Variants in WASF2 observed in about 807,000 individuals in gnomAD.
WASF2 encodes actin-binding protein WASF2.
Under a neutral mutation model 45.0 loss-of-function variants are expected in WASF2, and 14 were observed. That is an observed-to-expected ratio of 0.31 (90% CI 0.21 to 0.49). WASF2 has a LOEUF of 0.49. Among genes scored for constraint, WASF2 ranks in the 20% least tolerant of loss-of-function variants. The probability of loss-of-function intolerance (pLI) is 0.99; values close to 1 mark genes in which losing one functional copy is unlikely to be tolerated. For missense variants in WASF2, 439 were observed against 636.1 expected, an observed-to-expected ratio of 0.69 and a Z score of 3.33; for synonymous variants, 200 against 236.3, an observed-to-expected ratio of 0.85 and a Z score of 1.41.
intron 4 of WASF2, among the ~76,000 whole-genome samples, chr1:27,417,994 G>C (rs1007574343): frequency 6.6e-6 from 1 of 152,096 alleles, no homozygotes; most frequent in Non-Finnish European, 1.5e-5. Context: ...AGATGGACCT[G>C]GCTTATATGA....
intron 1 of WASF2, among the ~76,000 whole-genome samples, chr1:27,486,325 C>T (rs1249875799): frequency 2.6e-5 from 4 of 151,990 alleles, no homozygotes; most frequent in African/African-American, 7.3e-5. Flanking sequence ...TACATTTGGT[C>T]CCAAGAACTT....
chr1:27,467,394 G>A (rs1163194702), intron 1 of WASF2, among the ~76,000 whole-genome samples: 3 of 148,652 alleles, frequency 2.0e-5, no homozygotes, highest in East Asian at 2.0e-4. Context: ...TCCGCCTCCC[G>A]GGTTCATGCC....
chr1:27,439,387 C>T (rs1185158422), intron 1 of WASF2, among the ~76,000 whole-genome samples: 2 of 152,136 alleles, frequency 1.3e-5, no homozygotes, highest in African/African-American at 4.8e-5. Context: ...AGCACATGCC[C>T]TGTTCTAAAT....
chr1:27,478,411 T>C (rs1401770960), intron 1 of WASF2, among the ~76,000 whole-genome samples: 4 of 152,036 alleles, frequency 2.6e-5, no homozygotes, highest in Non-Finnish European at 5.9e-5. Context: ...AAAAACTTTA[T>C]GTTGAACAGA....
intron 1 of WASF2, among the ~76,000 whole-genome samples, chr1:27,442,818 T>C (rs1322338976): frequency 2.6e-5 from 4 of 151,516 alleles, no homozygotes; most frequent in South Asian, 4.2e-4. Flanking sequence ...CTGACCAACA[T>C]GGTGAAACCC....
At chr1:27,422,455 TA>T (rs541891339) in intron 2 of WASF2, among the ~76,000 whole-genome samples, 170 of 151,606 alleles carry the variant, frequency 1.1e-3, no homozygotes, top group African/African-American at 3.9e-3. Flanking sequence ...CCATCTCTAC[TA>T]AAAATACAAA....
chr1:27,478,424 AAGTC>A (rs1456115605), intron 1 of WASF2, among the ~76,000 whole-genome samples: 2 of 152,296 alleles, frequency 1.3e-5, no homozygotes, highest in South Asian at 2.1e-4. Flanking sequence ...TGAACAGAAA[AAGTC>A]AGACACAAAA....
intron 1 of WASF2, among the ~76,000 whole-genome samples, chr1:27,463,826 G>T (rs1412884918): frequency 7.5e-5 from 11 of 145,868 alleles, no homozygotes; most frequent in African/African-American, 2.8e-4. Flanking sequence ...TTTTGAGACA[G>T]AGTTTCACTC....
intron 2 of WASF2, among the ~76,000 whole-genome samples, chr1:27,421,100 G>C (rs1382000356): frequency 6.6e-6 from 1 of 152,138 alleles, no homozygotes; most frequent in Non-Finnish European, 1.5e-5. Flanking sequence ...AAGTCAATAA[G>C]GACTTCTAAT....
intron 1 of WASF2, among the ~76,000 whole-genome samples, chr1:27,448,520 T>C (rs2017340239): frequency 6.6e-6 from 1 of 152,150 alleles, no homozygotes; most frequent in African/African-American, 2.4e-5. Flanking sequence ...ATGGAAACAC[T>C]TCTACTGACA....
chr1:27,429,516 C>G (rs1362296215), intron 1 of WASF2, among the ~76,000 whole-genome samples: 2 of 152,184 alleles, frequency 1.3e-5, no homozygotes, highest in Non-Finnish European at 2.9e-5. Context: ...TGGCTCACGC[C>G]TGTAATCCCA....
chr1:27,470,618 T>C (rs1163215737), intron 1 of WASF2, among the ~76,000 whole-genome samples: 1 of 142,066 alleles, frequency 7.0e-6, no homozygotes, highest in Non-Finnish European at 1.5e-5. Context: ...AATAAATAAA[T>C]AGAAATATGT....
chr1:27,443,535 C>T (rs1442773133), intron 1 of WASF2, among the ~76,000 whole-genome samples: 1 of 151,784 alleles, frequency 6.6e-6, no homozygotes, highest in East Asian at 1.9e-4. Flanking sequence ...ATCGCTTGAA[C>T]CCAGGAGGCG....
chr1:27,432,647 C>CAAAAAAAA (rs558826790), intron 1 of WASF2, among the ~76,000 whole-genome samples: 5 of 51,384 alleles, frequency 9.7e-5, no homozygotes, highest in Non-Finnish European at 1.3e-4. Flanking sequence ...AACTCTGTCT[C>CAAAAAAAA]AAAAAAAAAA....
intron 1 of WASF2, among the ~76,000 whole-genome samples, chr1:27,445,997 A>C (rs1449557961): frequency 6.6e-6 from 1 of 152,074 alleles, no homozygotes; most frequent in African/African-American, 2.4e-5. Flanking sequence ...AGCCCAAACT[A>C]AGATAATTAT....
intron 1 of WASF2, among the ~76,000 whole-genome samples, chr1:27,440,353 G>A (rs866154052): frequency 3.3e-5 from 5 of 152,042 alleles, no homozygotes; most frequent in Admixed American, 6.6e-5. Context: ...GAGAAATCCC[G>A]TCTACAAAAA....
chr1:27,488,215 G>A (rs2017972748), intron 1 of WASF2, among the ~76,000 whole-genome samples: 1 of 151,962 alleles, frequency 6.6e-6, no homozygotes, highest in Non-Finnish European at 1.5e-5. Context: ...ACCCATAGCC[G>A]TCCCTACTAT....
At position 27,488,241 on chromosome 1, in the gene WASF2, G is replaced by A. The variant is rs189570187; in HGVS notation, c.-44+1745C>T. 1.6e-4 allele frequency among the ~76,000 whole-genome samples: 25 copies of A among 152,160 alleles called. No homozygotes were observed. In the East Asian group the frequency reaches 4.2e-3, roughly 26 times the overall value. On this transcript the variant is annotated intron_variant, in intron 1 of 8. Transcript: ENST00000618852. ...TCCCTACTATTCTGATTAACCAAAA[G>A]CTCTGAGGTTTGGAAAAATTAAGGG...
At chr1:27,474,701 G>C (rs866899417) in intron 1 of WASF2, among the ~76,000 whole-genome samples, 1 of 151,550 alleles carries the variant, frequency 6.6e-6, no homozygotes, top group Non-Finnish European at 1.5e-5. Flanking sequence ...AAACCCAGGA[G>C]GCAGAGGTTG....
Sources: gnomAD v4.1 joint callset for allele counts (sites outside exome capture counted in the v4.1 genomes callset) on GRCh38, gnomAD v4.1.1 for gene constraint, MANE v1.5 for transcripts, NCBI Gene and HGNC (gene_info 2026-07-23, HGNC 2026-07-21) for gene names.